The following CLSTN2 variants were observed in gnomAD, a reference collection of about 807,000 sequenced individuals.
CLSTN2 encodes calsyntenin-2.
A neutral mutation model predicts 101.2 loss-of-function variants in CLSTN2; 48 were observed. The observed-to-expected ratio is 0.47, with a 90% CI of 0.38 to 0.60. CLSTN2 has a LOEUF of 0.60. Ranked by LOEUF, CLSTN2 falls within the 20% of genes least tolerant of loss-of-function variation. The pLI is 0.00. For missense variants in CLSTN2, 1,160 were observed against 1,238.2 expected, an observed-to-expected ratio of 0.94 and a Z score of 0.95; for synonymous variants, 481 against 463.6, an observed-to-expected ratio of 1.04 and a Z score of -0.48.
At chr3:139,969,571 C>A (rs1341079806) in intron 1 of CLSTN2, among the ~76,000 whole-genome samples, 6 of 152,230 alleles carry the variant, frequency 3.9e-5, no homozygotes, top group Non-Finnish European at 7.3e-5. Context: ...CCTGCCATCA[C>A]TGCACCCACC....
chr3:140,496,069 CACA>C (rs1049530965), intron 8 of CLSTN2, among the ~76,000 whole-genome samples: 1 of 152,182 alleles, frequency 6.6e-6, no homozygotes, highest in African/African-American at 2.4e-5. Context: ...TGACCATTTT[CACA>C]ACATTGATTC....
chr3:140,503,833 A>G (rs1934631200), intron 8 of CLSTN2, among the ~76,000 whole-genome samples: 1 of 152,214 alleles, frequency 6.6e-6, no homozygotes, highest in African/African-American at 2.4e-5. Flanking sequence ...TTACCCTCAC[A>G]TGAGGACCTA....
At chr3:140,403,540 T>C in intron 2 of CLSTN2, 89 bp from the exon 3 acceptor site, 1 of 1,117,140 alleles carries the variant, frequency 9.0e-7, no homozygotes, top group Non-Finnish European at 1.3e-6. Flanking sequence ...CATGGAGGCT[T>C]TGAGTTTGTG....
At chr3:140,479,843 C>T (rs7618181) in intron 8 of CLSTN2, among the ~76,000 whole-genome samples, 16,504 of 151,984 alleles carry the variant, frequency 0.11, 957 homozygotes, top group African/African-American at 0.12. Flanking sequence ...AAAACACCAT[C>T]GTAAAGATTG....
intron 2 of CLSTN2, among the ~76,000 whole-genome samples, chr3:140,310,668 CTATTT>C (rs2107916451): frequency 6.6e-6 from 1 of 152,218 alleles, no homozygotes; most frequent in African/African-American, 2.4e-5. Flanking sequence ...CTATTCTATT[CTATTT>C]TATTTTTTTC....
At chr3:140,415,108 G>C (rs1341199602) in intron 4 of CLSTN2, among the ~76,000 whole-genome samples, 1 of 149,784 alleles carries the variant, frequency 6.7e-6, no homozygotes, top group South Asian at 2.2e-4. Context: ...TGAATAAATA[G>C]TACTGAAAAA....
At chr3:140,390,530 T>C (rs2088101488) in intron 2 of CLSTN2, among the ~76,000 whole-genome samples, 1 of 152,236 alleles carries the variant, frequency 6.6e-6, no homozygotes, top group Non-Finnish European at 1.5e-5. Flanking sequence ...ATATGGTCTT[T>C]ATGAACATAA....
chr3:140,022,562 G>A (rs924370784), intron 1 of CLSTN2, among the ~76,000 whole-genome samples: 8 of 152,186 alleles, frequency 5.3e-5, no homozygotes, highest in Non-Finnish European at 8.8e-5. Flanking sequence ...CAGGAGGGAC[G>A]GCTGCACAAT....
intron 5 of CLSTN2, among the ~76,000 whole-genome samples, chr3:140,436,370 G>A (rs760210356): frequency 2.0e-5 from 3 of 152,204 alleles, no homozygotes; most frequent in Non-Finnish European, 4.4e-5. Context: ...TTTCTGAAAC[G>A]TTTGTCAAAA....
intron 8 of CLSTN2, among the ~76,000 whole-genome samples, chr3:140,522,204 G>A (rs766782314): frequency 1.6e-4 from 25 of 152,340 alleles, no homozygotes; most frequent in Non-Finnish European, 2.2e-4. Flanking sequence ...CCCACAGGTC[G>A]GGTTGTTTGC....
chr3:140,405,221 G>T (rs76158579), intron 4 of CLSTN2, among the ~76,000 whole-genome samples: 4,422 of 144,934 alleles, frequency 0.031, 228 homozygotes, highest in African/African-American at 0.1. Context: ...CTAAACCATA[G>T]ATTCATTCAG....
chr3:140,250,933 A>G (rs2086558860), intron 2 of CLSTN2, among the ~76,000 whole-genome samples: 1 of 152,236 alleles, frequency 6.6e-6, no homozygotes, highest in African/African-American at 2.4e-5. Context: ...AGAAGTGACA[A>G]CATGGAATTT....
chr3:140,016,811 A>G (rs1224729176), intron 1 of CLSTN2, among the ~76,000 whole-genome samples: 1 of 151,622 alleles, frequency 6.6e-6, no homozygotes, highest in African/African-American at 2.4e-5. Flanking sequence ...AAAAAAAAAA[A>G]AAAGAAACAA....
chr3:140,057,890 C>T (rs1449486107), intron 1 of CLSTN2, among the ~76,000 whole-genome samples: 1 of 152,096 alleles, frequency 6.6e-6, no homozygotes, highest in Non-Finnish European at 1.5e-5. Flanking sequence ...TCAAGAACTG[C>T]AGTAACCCAT....
chr3:140,230,513 C>T (rs1448586598), intron 2 of CLSTN2, among the ~76,000 whole-genome samples: 1 of 152,128 alleles, frequency 6.6e-6, no homozygotes, highest in African/African-American at 2.4e-5. Flanking sequence ...GGTAATTAGG[C>T]CATAAGGGCA....
intron 1 of CLSTN2, among the ~76,000 whole-genome samples, chr3:140,075,436 T>A (rs1050351759): frequency 2.0e-5 from 3 of 152,216 alleles, no homozygotes; most frequent in African/African-American, 7.2e-5. Flanking sequence ...TAGAGGTATG[T>A]TTCTTAACTT....
At chr3:140,101,436 G>A (rs1396987121) in intron 1 of CLSTN2, among the ~76,000 whole-genome samples, 2 of 152,206 alleles carry the variant, frequency 1.3e-5, no homozygotes, top group Non-Finnish European at 2.9e-5. Context: ...CATCAGGTTG[G>A]ACAGACACTG....
intron 2 of CLSTN2, among the ~76,000 whole-genome samples, chr3:140,217,566 C>G (rs947626386): frequency 1.3e-5 from 2 of 152,132 alleles, no homozygotes; most frequent in African/African-American, 4.8e-5. Flanking sequence ...GCAAAATAAT[C>G]CTTGTTTAAT....
At chr3:140,024,121 G>A (rs2007372650) in intron 1 of CLSTN2, among the ~76,000 whole-genome samples, 1 of 152,212 alleles carries the variant, frequency 6.6e-6, no homozygotes, top group African/African-American at 2.4e-5. Flanking sequence ...GGTGGATCAT[G>A]TCACCAACTT....
Sources: gnomAD v4.1 joint callset for allele counts (sites outside exome capture counted in the v4.1 genomes callset) on GRCh38, gnomAD v4.1.1 for gene constraint, MANE v1.5 for transcripts, NCBI Gene and HGNC (gene_info 2026-07-23, HGNC 2026-07-21) for gene names.